Variants in SEMA3A observed in about 807,000 individuals in gnomAD.
The protein encoded by SEMA3A is semaphorin-3A.
Under a neutral mutation model 97.9 loss-of-function variants are expected in SEMA3A, and 29 were observed. That is an observed-to-expected ratio of 0.30 (90% CI 0.22 to 0.40). SEMA3A has a LOEUF of 0.40. SEMA3A is among the 10% of genes least tolerant of loss of function. The pLI is 1.00. For missense variants in SEMA3A, 763 were observed against 951.3 expected (o/e 0.80, Z 2.60); for synonymous variants, 321 against 323.7 (o/e 0.99, Z 0.09).
At chr7:84,001,891 C>T (rs1004988721) in intron 12 of SEMA3A, 64 bp downstream of exon 12, 4 of 1,101,874 alleles carry the variant, frequency 3.6e-6, no homozygotes, top group Admixed American at 3.7e-5. Context: ...GTTCAGTGTG[C>T]AGCTGTCCTG....
At chr7:84,030,745 C>T (rs1210487731) in intron 6 of SEMA3A, among the ~76,000 whole-genome samples, 1 of 152,010 alleles carries the variant, frequency 6.6e-6, no homozygotes, top group East Asian at 1.9e-4. Flanking sequence ...TGGGATTCAA[C>T]CCTTTCTTCA....
chr7:84,392,231 T>A (rs188295735), intron 1 of SEMA3A, among the ~76,000 whole-genome samples: 198 of 152,270 alleles, frequency 1.3e-3, no homozygotes, highest in African/African-American at 4.5e-3. Context: ...ACACCTTTGA[T>A]TATCATCTCC....
intron 6 of SEMA3A, 136 bp from the exon 7 acceptor site, chr7:84,014,487 G>T: frequency 1.5e-6 from 1 of 674,488 alleles, no homozygotes; most frequent in South Asian, 2.1e-5. Flanking sequence ...TCATTTTGTA[G>T]GTACATATTA....
At chr7:84,202,239 A>C (rs549201382) in intron 3 of SEMA3A, among the ~76,000 whole-genome samples, 6 of 152,272 alleles carry the variant, frequency 3.9e-5, no homozygotes, top group African/African-American at 1.2e-4. Flanking sequence ...CTCACCACAA[A>C]AGTGATAACT....
chr7:84,404,411 C>T (rs545383536), intron 1 of SEMA3A, among the ~76,000 whole-genome samples: 13 of 152,220 alleles, frequency 8.5e-5, no homozygotes, highest in South Asian at 2.1e-4. Context: ...ACCAAATCTA[C>T]GTCTAATTGG....
rs1388972728 is a variant in SEMA3A at position 84,175,711 on chromosome 7, T to C, written c.112+18764A>G. Among the ~76,000 whole-genome samples the C allele has an allele frequency of 4.1e-5, 6 of 147,024 alleles. No homozygotes were observed. In the East Asian group the frequency reaches 8.2e-4, roughly 20 times the overall value. On this transcript the variant is annotated intron_variant, in intron 1 of 16. Transcript: ENST00000265362. ...TATCAAAATGACAAATGATGAATGT[T>C]ATGGTTGGAAACCTACAGCAACCTT...
intron 12 of SEMA3A, among the ~76,000 whole-genome samples, chr7:83,996,362 G>C (rs1358563264): frequency 4.1e-5 from 6 of 146,542 alleles, no homozygotes; most frequent in Non-Finnish European, 8.9e-5. Context: ...GAGTGCAGTG[G>C]TGTGATCTCA....
intron 1 of SEMA3A, among the ~76,000 whole-genome samples, chr7:84,404,843 C>G (rs1804025503): frequency 6.6e-6 from 1 of 152,038 alleles, no homozygotes; most frequent in South Asian, 2.1e-4. Flanking sequence ...CAAGCAAATG[C>G]TGAGAGATTT....
chr7:84,478,903 A>T lies in SEMA3A; in HGVS notation c.-246+13557T>A, dbSNP rs547271099. ...AATTTTCTAAGTTAAATAGAAGGTG[A>T]TATGACACGCCTGTGATTATCAACC... On this transcript the variant is annotated intron_variant, in intron 1 of 3. Coordinates refer to the SEMA3A transcript ENST00000424555. Among the ~76,000 whole-genome samples the T allele has an allele frequency of 7.2e-5, 11 of 152,238 alleles. No homozygotes were observed. The South Asian group carries it at 2.3e-3, about 32-fold the overall frequency.
At chr7:83,976,401 A>T (rs1789150269) in intron 15 of SEMA3A, among the ~76,000 whole-genome samples, 1 of 152,128 alleles carries the variant, frequency 6.6e-6, no homozygotes, top group Admixed American at 6.6e-5. Flanking sequence ...CATTAGCAGT[A>T]TTGTCATTGA....
Position 83,984,253 on chromosome 7 carries a change from T to C in SEMA3A, c.1494+1183A>G, listed in dbSNP as rs1376342478. 2.0e-5 allele frequency among the ~76,000 whole-genome samples: 3 copies of C among 152,110 alleles called. No individual in the cohort carries two copies. The South Asian group carries it at 6.2e-4, about 32-fold the overall frequency. On this transcript the variant is annotated intron_variant, in intron 13 of 16. Coordinates refer to ENST00000265362, the MANE Select transcript of SEMA3A (RefSeq NM_006080.3). ...CCCAGTCTAGCTTCCATCCTGGAAA[T>C]CCCCAGATTTCTTTGCCAACCTCTA... is the stretch of plus-strand genomic sequence containing the variant.
intron 1 of SEMA3A, among the ~76,000 whole-genome samples, chr7:84,189,937 C>T (rs1195285331): frequency 6.6e-6 from 1 of 151,484 alleles, no homozygotes; most frequent in Non-Finnish European, 1.5e-5. Context: ...TAGTAAACTA[C>T]GTATTTCATG....
chr7:84,307,720 G>T (rs188126382), intron 2 of SEMA3A, among the ~76,000 whole-genome samples: 116 of 152,220 alleles, frequency 7.6e-4, no homozygotes, highest in African/African-American at 2.6e-3. Flanking sequence ...GTAATTTCAT[G>T]ACACTGTTAG....
intron 1 of SEMA3A, among the ~76,000 whole-genome samples, chr7:84,407,924 C>T (rs931725185): frequency 6.6e-6 from 1 of 152,116 alleles, no homozygotes; most frequent in Non-Finnish European, 1.5e-5. Flanking sequence ...CATGTTAGAC[C>T]TAAAACCATA....
chr7:84,327,788 T>G (rs907401454), intron 2 of SEMA3A, among the ~76,000 whole-genome samples: 3 of 152,110 alleles, frequency 2.0e-5, no homozygotes, highest in African/African-American at 7.2e-5. Flanking sequence ...CATAAAAGCA[T>G]GCAAATGATG....
chr7:84,122,151 G>A (rs984582923), intron 3 of SEMA3A, among the ~76,000 whole-genome samples: 21 of 151,714 alleles, frequency 1.4e-4, no homozygotes, highest in Admixed American at 5.9e-4. Flanking sequence ...GTGTAAAACT[G>A]TTCCTATTTC....
At chr7:84,050,625 G>A (rs1233074760) in intron 5 of SEMA3A, among the ~76,000 whole-genome samples, 2 of 151,944 alleles carry the variant, frequency 1.3e-5, no homozygotes, top group Non-Finnish European at 2.9e-5. Flanking sequence ...TGTCAGATGA[G>A]TAGGTTGCGA....
At chr7:84,399,807 C>T (rs956239742) in intron 1 of SEMA3A, among the ~76,000 whole-genome samples, 8 of 152,146 alleles carry the variant, frequency 5.3e-5, no homozygotes, top group Admixed American at 5.2e-4. Context: ...CTTTGGCAAG[C>T]TACAGTAATG....
At chr7:84,466,670 ATCT>A (rs1301462296) in intron 1 of SEMA3A, among the ~76,000 whole-genome samples, 2 of 152,196 alleles carry the variant, frequency 1.3e-5, no homozygotes, top group African/African-American at 4.8e-5. Flanking sequence ...TTACCATCAG[ATCT>A]TCTCCCATAT....
Sources: gnomAD v4.1 joint callset for allele counts (sites outside exome capture counted in the v4.1 genomes callset) on GRCh38, gnomAD v4.1.1 for gene constraint, MANE v1.5 for transcripts, NCBI Gene and HGNC (gene_info 2026-07-23, HGNC 2026-07-21) for gene names.